The following BBS9 variants were observed in gnomAD, a reference collection of about 807,000 sequenced individuals.
The protein encoded by BBS9 is Bardet-Biedl syndrome 9.
Under a neutral mutation model 117.7 loss-of-function variants are expected in BBS9, and 89 were observed. That is an observed-to-expected ratio of 0.76 (90% CI 0.64 to 0.90). The LOEUF is 0.90. Among genes scored for constraint, BBS9 ranks in the 40% least tolerant of loss-of-function variants. The pLI, the probability that BBS9 is intolerant of heterozygous loss-of-function variation, is 0.00. For synonymous variants in BBS9, 379 were observed against 370.9 expected, an observed-to-expected ratio of 1.02 and a Z score of -0.25; for missense variants, 982 against 1,042.2, an observed-to-expected ratio of 0.94 and a Z score of 0.80.
chr7:33,410,119 C>T (rs1025627030), intron 19 of BBS9, among the ~76,000 whole-genome samples: 14 of 152,222 alleles, frequency 9.2e-5, no homozygotes, highest in Admixed American at 1.3e-4. Flanking sequence ...CTTTGCTTGC[C>T]CACCAGTGCA....
At chr7:33,486,763 A>G (rs1843168972) in intron 19 of BBS9, among the ~76,000 whole-genome samples, 1 of 152,212 alleles carries the variant, frequency 6.6e-6, no homozygotes, top group African/African-American at 2.4e-5. Context: ...CTCTGTAGGC[A>G]GCAAGCCAGT....
intron 19 of BBS9, among the ~76,000 whole-genome samples, chr7:33,504,427 T>C (rs1406853468): frequency 6.6e-6 from 1 of 152,208 alleles, no homozygotes; most frequent in African/African-American, 2.4e-5. Flanking sequence ...TACATTGTAC[T>C]TGTTTGAATG....
At chr7:33,129,298 C>T (rs888682666), upstream of BBS9, 2 of 553,288 alleles carry the variant, frequency 3.6e-6, no homozygotes, top group Non-Finnish European at 6.4e-6. Flanking sequence ...GGGGCGTGGC[C>T]TGCCCCCGGA....
chr7:33,275,732 CA>C (rs1800650689), intron 9 of BBS9, among the ~76,000 whole-genome samples: 1 of 152,140 alleles, frequency 6.6e-6, no homozygotes, highest in Admixed American at 6.5e-5. Flanking sequence ...TATTTTTACA[CA>C]TACATTATAT....
At chr7:33,375,916 T>C (rs1823787082) in intron 17 of BBS9, among the ~76,000 whole-genome samples, 1 of 152,266 alleles carries the variant, frequency 6.6e-6, no homozygotes, top group East Asian at 1.9e-4. Flanking sequence ...CCAGAAAAAT[T>C]GTTTTTTATT....
At chr7:33,497,714 C>T (rs563483535) in intron 19 of BBS9, among the ~76,000 whole-genome samples, 1 of 152,214 alleles carries the variant, frequency 6.6e-6, no homozygotes, top group South Asian at 2.1e-4. Context: ...GGAAATCCAA[C>T]GTTGAGTAAC....
chr7:33,365,146 T>C (rs1481501444), intron 16 of BBS9, among the ~76,000 whole-genome samples: 4 of 152,112 alleles, frequency 2.6e-5, no homozygotes, highest in Admixed American at 6.5e-5. Context: ...TATTTTGAAT[T>C]CTTTGTTAAC....
intron 19 of BBS9, among the ~76,000 whole-genome samples, chr7:33,427,944 C>T (rs901554304): frequency 6.6e-6 from 1 of 151,968 alleles, no homozygotes; most frequent in African/African-American, 2.4e-5. Flanking sequence ...AAGTGATCAC[C>T]CCCAGGCCAG....
intron 19 of BBS9, among the ~76,000 whole-genome samples, chr7:33,444,733 G>A (rs1057154429): frequency 6.6e-6 from 1 of 152,198 alleles, no homozygotes; most frequent in African/African-American, 2.4e-5. Context: ...AACATCGCAT[G>A]ATGGGAGGTC....
chr7:33,305,153 A>G (rs899424793), intron 9 of BBS9, among the ~76,000 whole-genome samples: 1 of 150,458 alleles, frequency 6.6e-6, no homozygotes, highest in African/African-American at 2.4e-5. Context: ...AAAAAAAAAA[A>G]GAAATGATCA....
At chr7:33,382,663 T>A (rs1226386656) in intron 17 of BBS9, among the ~76,000 whole-genome samples, 1 of 152,170 alleles carries the variant, frequency 6.6e-6, no homozygotes, top group Non-Finnish European at 1.5e-5. Context: ...GCTCTCTTAC[T>A]AACTGGCTAG....
At position 33,273,903 on chromosome 7, in the gene BBS9, G is replaced by A. The variant is rs981564608; in HGVS notation, c.963G>A (p.Lys321=). 1 of 1,613,410 alleles carries A rather than the reference G, an allele frequency of 6.2e-7. No individual in the cohort carries two copies. The highest frequency in any genetic ancestry group is 8.5e-7 in the Non-Finnish European group (1 of 1,179,500). ...MLHIYQDVTL[K]WATQLPHIPV... ...ATATTTATCAAGATGTGACACTGAAGTGGGCCACCCAACTTCCCCACATTC... is the reference window on the plus strand; with the variant it reads ...ATATTTATCAAGATGTGACACTGAAATGGGCCACCCAACTTCCCCACATTC... Residue 321 remains lysine, a synonymous_variant, in exon 9 of 23, where the codon AAG becomes AAA. Coordinates refer to ENST00000242067, the MANE Select transcript of BBS9 (RefSeq NM_198428.3).
At chr7:33,293,393 A>G (rs1804487975) in intron 9 of BBS9, among the ~76,000 whole-genome samples, 1 of 151,980 alleles carries the variant, frequency 6.6e-6, no homozygotes, top group African/African-American at 2.4e-5. Flanking sequence ...ACAGACACGG[A>G]AAAAAGGATC....
At chr7:33,470,611 T>G (rs17170262) in intron 19 of BBS9, among the ~76,000 whole-genome samples, 5,029 of 152,292 alleles carry the variant, frequency 0.033, 282 homozygotes, top group African/African-American at 0.12. Context: ...GTACTGGATT[T>G]ATATCTTAGC....
intron 21 of BBS9, among the ~76,000 whole-genome samples, chr7:33,588,369 G>A (rs1861313094): frequency 6.6e-6 from 1 of 152,118 alleles, no homozygotes; most frequent in African/African-American, 2.4e-5. Context: ...GGAAAAGGCA[G>A]ATAATACTAT....
chr7:33,240,579 A>AT (rs1170832665), intron 5 of BBS9, among the ~76,000 whole-genome samples: 4 of 151,932 alleles, frequency 2.6e-5, no homozygotes, highest in Non-Finnish European at 5.9e-5. Flanking sequence ...TTTCTATGTT[A>AT]TTTTTGCTCC....
chr7:33,468,371 G>A (rs902744770), intron 19 of BBS9, among the ~76,000 whole-genome samples: 1 of 152,034 alleles, frequency 6.6e-6, no homozygotes, highest in Non-Finnish European at 1.5e-5. Flanking sequence ...TTTCTGATCT[G>A]CATTCAGAGA....
intron 5 of BBS9, among the ~76,000 whole-genome samples, chr7:33,219,053 G>A (rs1350121378): frequency 1.3e-5 from 2 of 152,184 alleles, no homozygotes; most frequent in East Asian, 1.9e-4. Flanking sequence ...TGGGCTTGGC[G>A]GGCCCCGCAC....
intron 5 of BBS9, among the ~76,000 whole-genome samples, chr7:33,192,510 T>G (rs1308863189): frequency 6.6e-6 from 1 of 152,226 alleles, no homozygotes; most frequent in Non-Finnish European, 1.5e-5. Flanking sequence ...CCTCTTGAAC[T>G]GCACATAAGC....
Sources: allele counts gnomAD v4.1 joint callset (sites outside exome capture counted in the v4.1 genomes callset), GRCh38; gene constraint gnomAD v4.1.1; transcripts MANE v1.5; gene names NCBI Gene and HGNC (gene_info 2026-07-23, HGNC 2026-07-21).